Variants in HERC1 observed in about 807,000 individuals in gnomAD.
The protein encoded by HERC1 is probable E3 ubiquitin-protein ligase HERC1.
HERC1 carries 160 observed loss-of-function variants against 554.3 expected under a neutral mutation model. That is an observed-to-expected ratio of 0.29 (90% CI 0.25 to 0.33). The LOEUF (loss-of-function observed/expected upper bound fraction) is 0.33, where lower values mean the gene tolerates loss of function less well. Among genes scored for constraint, HERC1 ranks in the 10% least tolerant of loss-of-function variants. The pLI, the probability that HERC1 is intolerant of heterozygous loss-of-function variation, is 1.00. For synonymous variants in HERC1, 2,175 were observed against 2,131.7 expected (o/e 1.02, Z -0.56); for missense variants, 4,919 against 5,918.5 (o/e 0.83, Z 5.54).
At position 63,699,330 on chromosome 15, in the gene HERC1, G is replaced by C. The variant is rs556013614; in HGVS notation, c.4637-334C>G. Among the ~76,000 whole-genome samples, 185 of 152,302 alleles carry C rather than the reference G, an allele frequency of 1.2e-3. 1 individual carries two copies. Among genetic ancestry groups the C allele is most frequent in the African/African-American group, 4.4e-3 (182 of 41,568 alleles). On this transcript the variant is annotated intron_variant, in intron 25 of 77. Coordinates refer to ENST00000443617, the MANE Select transcript of HERC1 (RefSeq NM_003922.4). Reference sequence around the variant, plus strand: ...TAAAATGCTCTGCAGTATTAAACCAGATCATCATTTATGAACAAAAAGGAA... The same window carrying C: ...TAAAATGCTCTGCAGTATTAAACCACATCATCATTTATGAACAAAAAGGAA...
rs2068843126 is a variant in HERC1 at position 63,637,696 on chromosome 15, C to T, written c.12094-53G>A. 23 of 1,397,818 alleles carry T rather than the reference C, an allele frequency of 1.6e-5. No individual in the cohort carries two copies. The South Asian group carries it at 2.7e-4, about 16-fold the overall frequency. 86.6% of individuals were successfully genotyped at this position (1,397,818 alleles called of 1,614,324 possible). A position where few individuals can be genotyped will look rare whatever the true frequency, so the allele number is the denominator to read the frequency against. Reference sequence around the variant, plus strand: ...TTTATTCTTTATTATATTGCTTTAACATGCAAGCACTTGAAATGATTCCAC... The same window carrying T: ...TTTATTCTTTATTATATTGCTTTAATATGCAAGCACTTGAAATGATTCCAC... On this transcript the variant is annotated intron_variant, in intron 63 of 77. Transcript: ENST00000443617.
intron 36 of HERC1, 98 bp from the exon 37 acceptor site, chr15:63,678,463 T>C: frequency 1.5e-6 from 2 of 1,372,670 alleles, no homozygotes; most frequent in South Asian, 1.5e-5. Context: ...GAACTAGTAT[T>C]TGGGTCTCTT....
chr15:63,713,613 T>A lies in HERC1; in HGVS notation c.4203A>T (p.Arg1401=), dbSNP rs1194962792. The A allele has an allele frequency of 4.3e-6, 7 of 1,613,322 alleles. No homozygotes were observed. The highest frequency in any genetic ancestry group is 5.9e-6 in the Non-Finnish European group (7 of 1,179,646). ...SAREVARSRD[R]DRMNSGAGSG... Reference sequence around the variant, plus strand: ...ACCCTGCCCCACTGTTCATTCTATCTCGGTCTCGGCTACGAGCTACTTCAC... The same window carrying A: ...ACCCTGCCCCACTGTTCATTCTATCACGGTCTCGGCTACGAGCTACTTCAC... The change falls in exon 23 of 78, where the codon CGA becomes CGT. Residue 1401 remains arginine, a synonymous_variant. Coordinates refer to ENST00000443617, the MANE Select transcript of HERC1 (RefSeq NM_003922.4).
chr15:63,618,223 T>C (rs1435357350), intron 74 of HERC1, among the ~76,000 whole-genome samples: 2 of 151,568 alleles, frequency 1.3e-5, no homozygotes, highest in African/African-American at 2.4e-5. Context: ...TTTCTACATA[T>C]GGCTAGCCAG....
intron 76 of HERC1, among the ~76,000 whole-genome samples, chr15:63,613,108 A>G (rs1036103739): frequency 5.9e-5 from 9 of 152,272 alleles, no homozygotes; most frequent in Admixed American, 2.6e-4. Flanking sequence ...TTAGGAAGGC[A>G]ATAGAAGAGG....
chr15:63,686,657 T>C (rs1474517302), intron 33 of HERC1, 122 bp from the exon 34 acceptor site: 9 of 759,384 alleles, frequency 1.2e-5, no homozygotes, highest in African/African-American at 7.0e-5. Flanking sequence ...AATCAGTTAC[T>C]GTGCAGGGCA....
rs749708623 is a variant in HERC1, at chr15:63,624,343, C to T, written c.13276-16G>A. The T allele has an allele frequency of 1.6e-5, 25 of 1,565,628 alleles. No homozygotes were observed. Among genetic ancestry groups the T allele is most frequent in the African/African-American group, 5.5e-5 (4 of 73,070 alleles). On this transcript the variant is annotated splice_polypyrimidine_tract_variant and intron_variant, in intron 71 of 77. Coordinates refer to ENST00000443617, the MANE Select transcript of HERC1 (RefSeq NM_003922.4). The stretch of plus-strand genomic sequence containing the variant: ...ATGTGCTGTTCTGTAACAGAAGGTA[C>T]GGTTATCAGAAATGGTACAATCTAG...
chr15:63,824,734 A>G (rs2077825995), intron 1 of HERC1, among the ~76,000 whole-genome samples: 1 of 152,070 alleles, frequency 6.6e-6, no homozygotes, highest in Admixed American at 6.6e-5. Flanking sequence ...AAATTGTGAT[A>G]CAAACACACT....
intron 12 of HERC1, among the ~76,000 whole-genome samples, chr15:63,737,905 T>C (rs1297271312): frequency 8.5e-5 from 13 of 152,066 alleles, no homozygotes; most frequent in Non-Finnish European, 1.9e-4. Context: ...TACTGAAAAA[T>C]GATTTCCAAT....
At chr15:63,714,470 A>G (rs1390397138) in intron 22 of HERC1, among the ~76,000 whole-genome samples, 1 of 151,760 alleles carries the variant, frequency 6.6e-6, no homozygotes, top group Non-Finnish European at 1.5e-5. Context: ...GCAGTGGTAG[A>G]TATTTCACAT....
At chr15:63,672,812 A>G (rs2071002905) in intron 38 of HERC1, 118 bp from the exon 39 acceptor site, 2 of 675,642 alleles carry the variant, frequency 3.0e-6, no homozygotes, top group Non-Finnish European at 2.5e-6. Flanking sequence ...TTTCACAAGC[A>G]TCAATTTCTA....
Position 63,635,987 on chromosome 15 carries a change from C to A in HERC1, c.12388G>T (p.Ala4130Ser), listed in dbSNP as rs766264015. The change falls in exon 65 of 78, where the codon GCC (alanine) becomes TCC (serine). Residue 4130 changes from alanine (A) to serine (S), a missense_variant. Physicochemically the swap from Ala to Ser is moderately conservative, Grantham distance 99. This residue lies in a region of HERC1 where 122 missense variants were observed against 195.2 expected (regional missense o/e 0.63). Transcript: ENST00000443617. ...TGCACCACTTCTTCTCCTTGTAAGG[C>A]CTCGATCTGCCTGGGCCGCCGCTGC... ...DRQRRPRQIE[A>S]LQGEEVVQMS... The A allele has an allele frequency of 3.7e-6, 6 of 1,613,846 alleles. No homozygotes were observed. Among genetic ancestry groups the A allele is most frequent in the Non-Finnish European group, 4.2e-6 (5 of 1,179,876 alleles).
chr15:63,737,369 T>C (rs1383856149), intron 12 of HERC1, among the ~76,000 whole-genome samples: 2 of 139,070 alleles, frequency 1.4e-5, no homozygotes, highest in African/African-American at 5.5e-5. Context: ...ATATCTTTTT[T>C]CCAGATATAT....
intron 1 of HERC1, among the ~76,000 whole-genome samples, chr15:63,797,737 C>T (rs776182335): frequency 5.3e-5 from 8 of 152,160 alleles, no homozygotes; most frequent in Admixed American, 2.0e-4. Flanking sequence ...ATTTTGTCTG[C>T]GCAGCAGGCA....
chr15:63,621,390 T>A (rs566010181), intron 74 of HERC1, among the ~76,000 whole-genome samples: 23 of 152,226 alleles, frequency 1.5e-4, no homozygotes, highest in African/African-American at 4.8e-4. Flanking sequence ...CTTCCCTTTG[T>A]GGGTAACCCG....
At chr15:63,626,215 T>C in intron 70 of HERC1, 61 bp from the exon 71 acceptor site, 3 of 1,542,024 alleles carry the variant, frequency 1.9e-6, no homozygotes, top group Non-Finnish European at 1.8e-6. Flanking sequence ...TTTTCACATT[T>C]TGAAAAATTT....
In HERC1 at chr15:63,696,346, GA is replaced by G; in HGVS notation, c.4906-8del. 3 of 1,593,440 alleles carry G rather than the reference GA, an allele frequency of 1.9e-6. No homozygotes were observed. The highest frequency in any genetic ancestry group is 2.6e-6 in the Non-Finnish European group (3 of 1,167,964). On this transcript the variant is annotated splice_polypyrimidine_tract_variant and splice_region_variant and intron_variant, in intron 26 of 77. Coordinates refer to ENST00000443617, the MANE Select transcript of HERC1 (RefSeq NM_003922.4). ...GAAGTGCCTCTAAACGAAGCTTGAG[GA>G]AAAAAACATATTTTAGAGTTCTTCA...
chr15:63,831,217 C>T (rs1206618210), intron 1 of HERC1, among the ~76,000 whole-genome samples: 4 of 152,102 alleles, frequency 2.6e-5, no homozygotes, highest in African/African-American at 9.7e-5. Flanking sequence ...ATTGATCCTC[C>T]CATCTCAGCC....
chr15:63,678,514 G>A, intron 36 of HERC1, 149 bp from the exon 37 acceptor site: 1 of 914,882 alleles, frequency 1.1e-6, no homozygotes, highest in South Asian at 1.9e-5. Flanking sequence ...AAAGAGTAAG[G>A]AAATGTCACA....
Sources: allele counts gnomAD v4.1 joint callset (sites outside exome capture counted in the v4.1 genomes callset), GRCh38; gene constraint gnomAD v4.1.1; regional missense constraint gnomAD v4.1.1; transcripts MANE v1.5; gene names NCBI Gene and HGNC (gene_info 2026-07-23, HGNC 2026-07-21).